Variants in PMP22 observed in about 807,000 individuals in gnomAD.
PMP22 encodes peripheral myelin protein 22.
PMP22 carries 2 observed loss-of-function variants against 18.9 expected under a neutral mutation model. That is an observed-to-expected ratio of 0.11 (90% confidence interval 0.04 to 0.33). The LOEUF (loss-of-function observed/expected upper bound fraction) is 0.33. PMP22 is among the 10% of genes least tolerant of loss of function. The pLI is 1.00. For missense variants in PMP22, 169 were observed against 202.2 expected (o/e 0.84, Z 1.00); for synonymous variants, 95 against 89.2 (o/e 1.07, Z -0.37).
intron 3 of PMP22, among the ~76,000 whole-genome samples, chr17:15,247,170 C>T (rs192893779): frequency 0.022 from 3,305 of 150,886 alleles, 71 homozygotes; most frequent in Non-Finnish European, 0.03. Context: ...GAGATTGAGA[C>T]CATCCTGGCT....
rs376847762 is a variant in PMP22 at position 15,260,659 on chromosome 17, C to T, written c.69G>A (p.Thr23=). Residue 23 remains threonine (T), a synonymous_variant, in exon 2 of 5, where the codon ACG becomes ACA. Transcript: ENST00000312280. ...VAVLVLLFVS[T]IVSQWIVGNG... ...CCCGCCAGGCACTCACGCTGACGAT[C>T]GTGGAGACGAACAGCAGCACCAGCA... 6.4e-6 allele frequency: 10 copies of T among 1,552,188 alleles called. No individual in the cohort carries two copies. Among genetic ancestry groups the T allele is most frequent in the African/African-American group, 1.4e-5 (1 of 73,096 alleles).
At position 15,230,415 on chromosome 17, in the gene PMP22, T is replaced by A; in HGVS notation, c.*502A>T. ...GAGGTTCGGGCAGCGGCTGTTTCTG[T>A]TGGATGCACTGGGTCACCCACCAGA... On this transcript the variant is annotated 3_prime_UTR_variant, in exon 5 of 5. Transcript: ENST00000312280. 1 of 168,344 alleles carries A rather than the reference T, an allele frequency of 5.9e-6. No homozygotes were observed. Among genetic ancestry groups the A allele is most frequent in the Non-Finnish European group, 1.3e-5 (1 of 76,922 alleles). 10.4% of individuals were successfully genotyped at this position (168,344 alleles called of 1,614,324 possible).
intron 4 of PMP22, among the ~76,000 whole-genome samples, chr17:15,235,789 C>T (rs1391976765): frequency 6.6e-6 from 1 of 151,726 alleles, no homozygotes. Context: ...CTTACTCTGT[C>T]ACCCCCAGGC....
chr17:15,263,601 A>T (rs1172140781), intron 1 of PMP22, among the ~76,000 whole-genome samples: 2 of 151,482 alleles, frequency 1.3e-5, no homozygotes, highest in Admixed American at 6.6e-5. Context: ...ACACACACAC[A>T]CACTTCCCTA....
chr17:15,259,011 C>A, intron 3 of PMP22, 83 bp downstream of exon 3: 1 of 1,022,258 alleles, frequency 9.8e-7, no homozygotes, highest in Non-Finnish European at 1.5e-6. Context: ...CTTGTGTCTT[C>A]CAATAAGCGT....
At chr17:15,262,227 T>C (rs749034736) in intron 1 of PMP22, among the ~76,000 whole-genome samples, 1 of 152,164 alleles carries the variant, frequency 6.6e-6, no homozygotes, top group Non-Finnish European at 1.5e-5. Flanking sequence ...TAAGGTCTTA[T>C]AGACCATAAA....
intron 3 of PMP22, among the ~76,000 whole-genome samples, chr17:15,246,044 A>T (rs1036518218): frequency 3.3e-5 from 5 of 152,094 alleles, no homozygotes. Flanking sequence ...GAAAAAAGAA[A>T]ATGAGAGCCA....
Position 15,261,917 on chromosome 17 carries a change from C to T in PMP22, c.-34-1156G>A, listed in dbSNP as rs1162300582. 2 of 152,360 alleles carry T rather than the reference C, an allele frequency of 1.3e-5. No individual in the cohort carries two copies. The highest frequency in any genetic ancestry group is 3.9e-4 in the East Asian group (2 of 5,180). The allele number at this position is 152,360 out of a possible 1,614,324, so 9.4% of individuals were successfully genotyped here. A position where few individuals can be genotyped will look rare whatever the true frequency, so the allele number is the denominator to read the frequency against. ...CCAGGGAGACAACGTTTCAATAACC[C>T]AGTTTGGAAAGTACCCAATCCCAGG... On this transcript the variant is annotated intron_variant, in intron 1 of 4. Transcript: ENST00000312280. The surrounding 1 kb of genome is among the most constrained non-coding windows in gnomAD (Gnocchi z 5.2).
intron 1 of PMP22, among the ~76,000 whole-genome samples, chr17:15,264,924 G>T (rs750164341): frequency 5.3e-5 from 8 of 152,120 alleles, no homozygotes; most frequent in Non-Finnish European, 1.2e-4. Context: ...GGATGCATTA[G>T]GGTTTCTAGA....
intron 1 of PMP22, among the ~76,000 whole-genome samples, chr17:15,264,400 T>C (rs1333570609): frequency 6.6e-6 from 1 of 152,246 alleles, no homozygotes; most frequent in South Asian, 2.1e-4. Flanking sequence ...TTTTATGCCA[T>C]TTGGACATTT....
intron 3 of PMP22, among the ~76,000 whole-genome samples, chr17:15,252,208 T>C (rs947657521): frequency 2.0e-5 from 3 of 149,504 alleles, no homozygotes; most frequent in African/African-American, 7.7e-5. Flanking sequence ...CTGGTGTCCT[T>C]GCCAAAATGA....
intron 3 of PMP22, among the ~76,000 whole-genome samples, chr17:15,255,996 G>A (rs1056908561): frequency 6.6e-6 from 1 of 152,130 alleles, no homozygotes; most frequent in African/African-American, 2.4e-5. Flanking sequence ...GGCCGGAGAG[G>A]CACTGGATAC....
intron 3 of PMP22, among the ~76,000 whole-genome samples, chr17:15,256,369 G>A (rs7207667): frequency 0.091 from 13,791 of 152,136 alleles, 2,002 homozygotes; most frequent in African/African-American, 0.31. Context: ...GTCACATGGC[G>A]CAGTGGCTCA....
intron 4 of PMP22, among the ~76,000 whole-genome samples, chr17:15,234,324 C>T (rs772904656): frequency 1.6e-4 from 25 of 152,270 alleles, no homozygotes; most frequent in Non-Finnish European, 3.4e-4. Flanking sequence ...CAGAGTGATC[C>T]AACAAATTAA....
intron 3 of PMP22, among the ~76,000 whole-genome samples, chr17:15,251,300 C>T (rs1021622733): frequency 6.6e-6 from 1 of 152,132 alleles, no homozygotes; most frequent in Non-Finnish European, 1.5e-5. Context: ...TCCTGCAGAG[C>T]ATGTTCCACT....
intron 3 of PMP22, among the ~76,000 whole-genome samples, chr17:15,254,065 C>T (rs575903530): frequency 5.3e-5 from 8 of 152,170 alleles, no homozygotes; most frequent in East Asian, 3.9e-4. Flanking sequence ...CGTGAGAAAA[C>T]GCTGAAATTC....
At chr17:15,234,105 G>A (rs920504114) in intron 4 of PMP22, among the ~76,000 whole-genome samples, 4 of 152,152 alleles carry the variant, frequency 2.6e-5, no homozygotes, top group African/African-American at 7.2e-5. Context: ...TGGGGTTAGT[G>A]AGTCAAGACA....
In PMP22 at chr17:15,230,870, C is replaced by T; in HGVS notation, c.*47G>A. 6.2e-7 allele frequency: 1 copy of T among 1,603,644 alleles called. No homozygotes were observed. The highest frequency in any genetic ancestry group is 8.5e-7 in the Non-Finnish European group (1 of 1,171,726). On this transcript the variant is annotated 3_prime_UTR_variant, in exon 5 of 5. Transcript: ENST00000312280. ...TGTCTGCTTTCTGTTTTCCCTTCCTCCCTTCCCTATGTACGCTCAGAGCCT... is the reference window on the plus strand; with the variant it reads ...TGTCTGCTTTCTGTTTTCCCTTCCTTCCTTCCCTATGTACGCTCAGAGCCT...
intron 4 of PMP22, among the ~76,000 whole-genome samples, chr17:15,234,126 C>T (rs1480193597): frequency 1.3e-5 from 2 of 152,088 alleles, no homozygotes; most frequent in South Asian, 2.1e-4. Context: ...AAGAAATGGG[C>T]GTAATGCCTA....
Sources: gnomAD v4.1 joint callset for allele counts (sites outside exome capture counted in the v4.1 genomes callset) on GRCh38, gnomAD v4.1.1 for gene constraint, Gnocchi (gnomAD v3.1) non-coding constraint, MANE v1.5 for transcripts, NCBI Gene and HGNC (gene_info 2026-07-23, HGNC 2026-07-21) for gene names.